The following MAP2 variants were observed in gnomAD, a reference collection of about 807,000 sequenced individuals.
The protein encoded by MAP2 is microtubule associated protein 2, also known as microtubule-associated protein 2.
A neutral mutation model predicts 137.6 loss-of-function variants in MAP2; 14 were observed. The observed-to-expected ratio is 0.10, with a 90% confidence interval of 0.07 to 0.16. The LOEUF is 0.16. Among genes scored for constraint, MAP2 ranks in the 10% least tolerant of loss-of-function variants. MAP2 has a pLI of 1.00. For missense variants in MAP2, 2,088 were observed against 2,191.5 expected (o/e 0.95, Z 0.94); for synonymous variants, 786 against 782.3 (o/e 1.00, Z -0.08).
At chr2:209,637,167 G>T (rs1237526587) in intron 4 of MAP2, among the ~76,000 whole-genome samples, 1 of 152,118 alleles carries the variant, frequency 6.6e-6, no homozygotes, top group Non-Finnish European at 1.5e-5. Flanking sequence ...TTCTGGCCGG[G>T]TGTGGTGGCT....
intron 5 of MAP2, among the ~76,000 whole-genome samples, chr2:209,655,784 A>G (rs80006639): frequency 0.033 from 5,026 of 152,242 alleles, 266 homozygotes; most frequent in African/African-American, 0.11. Flanking sequence ...ATTTTTCCCT[A>G]TAAAGGATAT....
chr2:209,449,042 G>GT (rs1699750686), intron 1 of MAP2, among the ~76,000 whole-genome samples: 2 of 152,148 alleles, frequency 1.3e-5, no homozygotes, highest in African/African-American at 4.8e-5. Flanking sequence ...ACTAACCAGG[G>GT]TAAGTCTTGT....
chr2:209,554,999 G>A (rs1221292740), intron 2 of MAP2, among the ~76,000 whole-genome samples: 1 of 149,442 alleles, frequency 6.7e-6, no homozygotes, highest in Non-Finnish European at 1.5e-5. Flanking sequence ...TTTCAGAAGG[G>A]ATTTAAAGTG....
chr2:209,672,835 G>A (rs2049454188), intron 5 of MAP2, among the ~76,000 whole-genome samples: 1 of 151,830 alleles, frequency 6.6e-6, no homozygotes, highest in South Asian at 2.1e-4. Context: ...TCATTAGTTA[G>A]GTGAGATGTA....
intron 2 of MAP2, among the ~76,000 whole-genome samples, chr2:209,550,783 C>T (rs1260960296): frequency 6.6e-6 from 1 of 152,242 alleles, no homozygotes; most frequent in Non-Finnish European, 1.5e-5. Context: ...ACACTTCCTA[C>T]TTGTCACAGT....
At chr2:209,646,975 C>G (rs1581988770) in intron 4 of MAP2, among the ~76,000 whole-genome samples, 1 of 152,146 alleles carries the variant, frequency 6.6e-6, no homozygotes, top group South Asian at 2.1e-4. Flanking sequence ...TCAGTTGCCT[C>G]ATGGTTCACA....
At chr2:209,542,010 C>T (rs2067135740) in intron 2 of MAP2, among the ~76,000 whole-genome samples, 2 of 152,150 alleles carry the variant, frequency 1.3e-5, no homozygotes. Context: ...TTACTTTGCC[C>T]ATATCCATCA....
intron 3 of MAP2, among the ~76,000 whole-genome samples, chr2:209,616,082 G>A (rs1354920085): frequency 2.0e-5 from 3 of 152,044 alleles, no homozygotes; most frequent in South Asian, 2.1e-4. Context: ...CCCTCTCCAC[G>A]CTTCAATGTC....
At chr2:209,470,271 G>T (rs1005238964) in intron 1 of MAP2, among the ~76,000 whole-genome samples, 2 of 152,120 alleles carry the variant, frequency 1.3e-5, no homozygotes, top group Non-Finnish European at 2.9e-5. Context: ...TACATGCACA[G>T]TGCCCCTTGG....
chr2:209,711,947 T>C (rs1187475164), intron 13 of MAP2, among the ~76,000 whole-genome samples: 1 of 152,136 alleles, frequency 6.6e-6, no homozygotes, highest in Non-Finnish European at 1.5e-5. Context: ...TTAAAATAAT[T>C]TGTTTCCTCT....
At position 209,697,048 on chromosome 2, in the gene MAP2, A is replaced by T. The variant is rs759483526; in HGVS notation, c.4519A>T (p.Thr1507Ser). 18 of 1,592,882 alleles carry T rather than the reference A, an allele frequency of 1.1e-5. 1 individual carries two copies. The highest frequency in any genetic ancestry group is 8.5e-7 in the Non-Finnish European group (1 of 1,174,920). Reference sequence around the variant, plus strand: ...TCTCTCCTGTGTTAAGCGGAAAACCACAGGTGACTGTTCAATTCTGCAATG... The same window carrying T: ...TCTCTCCTGTGTTAAGCGGAAAACCTCAGGTGACTGTTCAATTCTGCAATG... ...THLSCVKRKT[T>S]AAGGESALAP... is the part of the protein sequence containing the mutation. Residue 1507 changes from threonine to serine, a missense_variant, in exon 10 of 16, where the codon ACA (threonine) becomes TCA (serine). Physicochemically the swap from Thr to Ser is moderately conservative, Grantham distance 58. Transcript: ENST00000682079.
At chr2:209,472,902 C>T (rs1164724256) in intron 1 of MAP2, among the ~76,000 whole-genome samples, 7 of 152,074 alleles carry the variant, frequency 4.6e-5, no homozygotes, top group Admixed American at 4.6e-4. Context: ...TAGGAAAGAA[C>T]ATAAGTGGAT....
At chr2:209,723,443 A>G in intron 13 of MAP2, 1 of 620,558 alleles carries the variant, frequency 1.6e-6, no homozygotes. Flanking sequence ...ACATGATAGA[A>G]CAGTTCTTCA....
At chr2:209,479,666 C>T (rs1575775150) in intron 1 of MAP2, among the ~76,000 whole-genome samples, 1 of 152,066 alleles carries the variant, frequency 6.6e-6, no homozygotes, top group African/African-American at 2.4e-5. Flanking sequence ...TAATTAAATG[C>T]AGTGTACCTG....
chr2:209,617,071 C>A (rs192905929), intron 3 of MAP2, among the ~76,000 whole-genome samples: 2 of 152,128 alleles, frequency 1.3e-5, no homozygotes, highest in East Asian at 3.9e-4. Flanking sequence ...ATGGGGGATA[C>A]AGTGTGGGGA....
intron 5 of MAP2, among the ~76,000 whole-genome samples, chr2:209,655,897 C>T (rs1027395952): frequency 1.3e-5 from 2 of 152,136 alleles, no homozygotes; most frequent in Non-Finnish European, 2.9e-5. Context: ...AGAATCTTCC[C>T]TCTACTTTCC....
intron 2 of MAP2, among the ~76,000 whole-genome samples, chr2:209,509,317 T>C (rs1178225113): frequency 6.6e-6 from 1 of 151,938 alleles, no homozygotes; most frequent in African/African-American, 2.4e-5. Context: ...GAGATTTCTG[T>C]TGTGGGAATA....
At chr2:209,557,088 A>G (rs1480380462) in intron 2 of MAP2, among the ~76,000 whole-genome samples, 2 of 152,246 alleles carry the variant, frequency 1.3e-5, no homozygotes, top group African/African-American at 2.4e-5. Context: ...AAAATAATTT[A>G]ACATAGTTAA....
At chr2:209,635,635 A>C (rs896170234) in intron 4 of MAP2, among the ~76,000 whole-genome samples, 4 of 152,068 alleles carry the variant, frequency 2.6e-5, no homozygotes, top group Admixed American at 6.6e-5. Flanking sequence ...TGTTGCATGA[A>C]AGCTGTTCTG....
Sources: gnomAD v4.1 joint callset for allele counts (sites outside exome capture counted in the v4.1 genomes callset) on GRCh38, gnomAD v4.1.1 for gene constraint, MANE v1.5 for transcripts, NCBI Gene and HGNC (gene_info 2026-07-23, HGNC 2026-07-21) for gene names.